SNAPC4: variants seen among roughly 807,000 people sequenced by gnomAD.
SNAPC4 encodes snRNA-activating protein complex subunit 4.
SNAPC4 carries 127 observed loss-of-function variants against 151.3 expected under a neutral mutation model. That is an observed-to-expected ratio of 0.84 (90% CI 0.73 to 0.97). The LOEUF is 0.97. Ranked by LOEUF, SNAPC4 falls within the 50% of genes least tolerant of loss-of-function variation. The probability of loss-of-function intolerance (pLI) is 0.00; values close to 1 mark genes in which losing one functional copy is unlikely to be tolerated. For synonymous variants in SNAPC4, 1,002 were observed against 824.4 expected, an observed-to-expected ratio of 1.22 and a Z score of -3.69; for missense variants, 2,186 against 1,935.0, an observed-to-expected ratio of 1.13 and a Z score of -2.43.
chr9:136,379,836 C>G lies in SNAPC4; in HGVS notation c.2527+1G>C. 5 of 1,613,364 alleles carry G rather than the reference C, an allele frequency of 3.1e-6. No homozygotes were observed. Among genetic ancestry groups the G allele is most frequent in the Non-Finnish European group, 4.2e-6 (5 of 1,179,712 alleles). On this transcript the variant is annotated splice_donor_variant, in intron 21 of 23. Coordinates refer to ENST00000684778, the MANE Select transcript of SNAPC4 (RefSeq NM_003086.4). LOFTEE classifies it high-confidence loss of function. Reference sequence around the variant, plus strand: ...CCACCAGGGCAGAGAAGCAGAGTTACCTGGGGTGCTCTGGGCACTTGAGGA... The same window carrying G: ...CCACCAGGGCAGAGAAGCAGAGTTAGCTGGGGTGCTCTGGGCACTTGAGGA...
intron 10 of SNAPC4, among the ~76,000 whole-genome samples, chr9:136,389,409 G>A (rs1833994826): frequency 6.6e-6 from 1 of 152,140 alleles, no homozygotes; most frequent in South Asian, 2.1e-4. Context: ...GGTGGCAGAG[G>A]GCACGCAGAG....
chr9:136,387,462 T>G, intron 13 of SNAPC4, 23 bp downstream of exon 13: 1 of 1,541,490 alleles, frequency 6.5e-7, no homozygotes, highest in Non-Finnish European at 9.0e-7. Flanking sequence ...GGCCCCTCCC[T>G]CGCTCAGCGC....
chr9:136,381,540 C>G (rs1833692057), intron 18 of SNAPC4, 148 bp from the exon 19 acceptor site: 1 of 748,018 alleles, frequency 1.3e-6, no homozygotes, highest in South Asian at 1.7e-5. Context: ...GAACCAGCAC[C>G]CCACAGCCAC....
Position 136,398,306 on chromosome 9 carries a change from A to C in SNAPC4, c.123T>G (p.Ser41=), listed in dbSNP as rs148367423. 172 of 1,613,226 alleles carry C rather than the reference A, an allele frequency of 1.1e-4. No individual in the cohort carries two copies. Among genetic ancestry groups the C allele is most frequent in the Non-Finnish European group, 1.3e-4 (157 of 1,179,448 alleles). The part of the protein sequence containing the change: ...EISESSLESD[S]EADSLPSEDL... The stretch of plus-strand genomic sequence containing the variant: ...TAGGTACAAGGGGCTTACCTGCTTC[A>C]GAATCTGACTCGAGACTTGATTCTG... The change falls in exon 2 of 24, where the codon TCT becomes TCG. Residue 41 remains serine (S), a synonymous_variant. Coordinates refer to ENST00000684778, the MANE Select transcript of SNAPC4 (RefSeq NM_003086.4).
Position 136,381,921 on chromosome 9 carries a change from C to G in SNAPC4, c.2220G>C (p.Leu740=). The G allele has an allele frequency of 1.2e-6, 2 of 1,612,962 alleles. No homozygotes were observed. The highest frequency in any genetic ancestry group is 1.7e-6 in the Non-Finnish European group (2 of 1,180,006). The change falls in exon 18 of 24, where the codon CTG becomes CTC. Residue 740 remains leucine, a synonymous_variant. Coordinates refer to ENST00000684778, the MANE Select transcript of SNAPC4 (RefSeq NM_003086.4). The part of the protein sequence containing the change: ...RWRHALHRRL[L]NRRLLLAVTP... The stretch of plus-strand genomic sequence containing the variant: ...TCACAGCCAGCAGCAGCCTGCGGTT[C>G]AGGAGCCTCCGGTGCAGAGCGTGTC...
At position 136,377,638 on chromosome 9, in the gene SNAPC4, C is replaced by T; in HGVS notation, c.4189G>A (p.Gly1397Ser). 6.3e-7 allele frequency: 1 copy of T among 1,585,364 alleles called. No individual in the cohort carries two copies. The highest frequency in any genetic ancestry group is 8.6e-7 in the Non-Finnish European group (1 of 1,164,080). ...AGGTCTTCATCCTCACTCTCAGAGC[C>T]CACCCTCGAAGGTACTGAGAGGGTG... ...RTTLSVPSRV[G>S]SESEDEDLLS... is the part of the protein sequence containing the mutation. The change falls in exon 22 of 24, where the codon GGC becomes AGC. Residue 1397 changes from glycine to serine, a missense_variant. Physicochemically the swap from Gly to Ser is moderately conservative, Grantham distance 56 (BLOSUM62 0). Coordinates refer to ENST00000684778, the MANE Select transcript of SNAPC4 (RefSeq NM_003086.4).
rs749447322 is a variant in SNAPC4, at chr9:136,378,718, G to C, written c.3109C>G (p.Leu1037Val). The C allele has an allele frequency of 7.8e-5, 117 of 1,503,642 alleles. No individual in the cohort carries two copies. Among genetic ancestry groups the C allele is most frequent in the Non-Finnish European group, 1.0e-4 (115 of 1,126,332 alleles). The allele number at this position is 1,503,642 out of a possible 1,614,324, so 93.1% of individuals were successfully genotyped here. A position where few individuals can be genotyped will look rare whatever the true frequency, so the allele number is the denominator to read the frequency against. Residue 1037 changes from leucine to valine, a missense_variant, in exon 22 of 24, where the codon CTG (leucine) becomes GTG (valine). Coordinates refer to ENST00000684778, the MANE Select transcript of SNAPC4 (RefSeq NM_003086.4). ...GGGAGAAAGGGTGGCGCCTCAGGCA[G>C]GCCCTGCTTCCGGGATGCAGCGGGG... Reference protein sequence around the residue: ...QAPAASRKQGLPEAPPFLPAA... With the variant: ...QAPAASRKQGVPEAPPFLPAA...
chr9:136,376,308 C>T, intron 23 of SNAPC4, 41 bp downstream of exon 23: 1 of 1,608,060 alleles, frequency 6.2e-7, no homozygotes, highest in Non-Finnish European at 8.5e-7. Context: ...CCACTCTGTC[C>T]CCTGGGTTGT....
rs756725958 is a variant in SNAPC4 at position 136,392,729 on chromosome 9, C to T, written c.681G>A (p.Glu227=). Residue 227 remains glutamate (E), a synonymous_variant, in exon 8 of 24, where the codon GAG becomes GAA. Transcript: ENST00000684778. ...TGCCCTGCTTCTCCAGGGCTTGCCT[C>T]TCCAGCTCACTGGAGACTTTGCTCT... The part of the protein sequence containing the change: ...QKQSKVSSEL[E]RQALEKQGRE... The T allele has an allele frequency of 6.2e-7, 1 of 1,613,664 alleles. No individual in the cohort carries two copies. Among genetic ancestry groups the T allele is most frequent in the Non-Finnish European group, 8.5e-7 (1 of 1,180,048 alleles).
At position 136,392,193 on chromosome 9, in the gene SNAPC4, C is replaced by G. The variant is rs1368741845; in HGVS notation, c.811-87G>C. ...CTCCAGGCTGAGCTGTTGCTCTCCG[C>G]CAGCTGGAGGCTTCCACGGCTGCAA... On this transcript the variant is annotated intron_variant, in intron 9 of 23. Transcript: ENST00000684778. 2.6e-6 allele frequency: 4 copies of G among 1,521,518 alleles called. No homozygotes were observed. In the East Asian group the frequency reaches 9.1e-5, roughly 34 times the overall value. 94.3% of individuals were successfully genotyped at this position (1,521,518 alleles called of 1,614,324 possible). A position where few individuals can be genotyped will look rare whatever the true frequency, so the allele number is the denominator to read the frequency against.
intron 1 of SNAPC4, chr9:136,398,689 G>A (rs1177020137): frequency 7.4e-6 from 3 of 404,800 alleles, no homozygotes; most frequent in African/African-American, 4.0e-5. Context: ...CTGCTCTGAG[G>A]CTGCAACCAG....
Position 136,378,369 on chromosome 9 carries a change from G to C in SNAPC4, c.3458C>G (p.Pro1153Arg), listed in dbSNP as rs1304681771. ...GGAGAGGGCGTGTGTGGGAGGAGCT[G>C]GGGTGTCTGTCCTGCAGGAAGGCTC... ...EPEPSCRTDT[P>R]APPTHALSQS... The change falls in exon 22 of 24, where the codon CCA becomes CGA. Residue 1153 changes from proline to arginine, a missense_variant. By Grantham distance (103) the Pro-to-Arg change is moderately radical. Transcript: ENST00000684778. 3 of 1,611,246 alleles carry C rather than the reference G, an allele frequency of 1.9e-6. No homozygotes were observed. Among genetic ancestry groups the C allele is most frequent in the Non-Finnish European group, 2.5e-6 (3 of 1,179,566 alleles).
In SNAPC4 at chr9:136,394,891, A is replaced by T; in HGVS notation, c.472-13T>A. 1 of 1,612,774 alleles carries T rather than the reference A, an allele frequency of 6.2e-7. No homozygotes were observed. Among genetic ancestry groups the T allele is most frequent in the South Asian group, 1.1e-5 (1 of 91,058 alleles). ...TGGCAGGTGGCCCCTGTCAGGGTGC[A>T]CGGCATCACCACAAGCACAGGCCAC... On this transcript the variant is annotated splice_polypyrimidine_tract_variant and intron_variant, in intron 5 of 23. Transcript: ENST00000684778.
intron 17 of SNAPC4, 49 bp downstream of exon 17, chr9:136,382,204 G>A (rs2131468181): frequency 1.2e-6 from 2 of 1,602,564 alleles, no homozygotes; most frequent in Non-Finnish European, 1.7e-6. Flanking sequence ...ACTCAGACCA[G>A]GGCGGGGCAC....
At chr9:136,382,188 G>A (rs1833721763) in intron 17 of SNAPC4, 65 bp downstream of exon 17, 2 of 1,598,134 alleles carry the variant, frequency 1.3e-6, no homozygotes, top group South Asian at 1.1e-5. Flanking sequence ...GACGGGGAGA[G>A]GAATCACTCA....
Position 136,378,422 on chromosome 9 carries a change from C to A in SNAPC4, c.3405G>T (p.Gln1135His). The A allele has an allele frequency of 6.3e-7, 1 of 1,597,504 alleles. No individual in the cohort carries two copies. The highest frequency in any genetic ancestry group is 8.5e-7 in the Non-Finnish European group (1 of 1,174,962). ...PRAPALSSSW[Q>H]PPANMNREPE... ...GTTCCCTGTTCATATTGGCTGGGGG[C>A]TGCCAAGAGCTGCTCAACGCTGGGG... is the stretch of plus-strand genomic sequence containing the variant. The change falls in exon 22 of 24, where the codon CAG becomes CAT. Residue 1135 changes from glutamine to histidine, a missense_variant. By Grantham distance (24) the Gln-to-His change is conservative (BLOSUM62 0). Transcript: ENST00000684778.
In SNAPC4 at chr9:136,378,219, G is replaced by C. The variant is rs1564376635; in HGVS notation, c.3608C>G (p.Ser1203Cys). ...ACCACCGAAGGCTGGCAGCCTCCCG[G>C]ACCAAGGGGGTTCTGCTTCAGGAGG... ...ADPPEAEPPW[S>C]GRLPAFGGVI... Residue 1203 changes from serine to cysteine, a missense_variant, in exon 22 of 24, where the codon TCC (serine) becomes TGC (cysteine). Transcript: ENST00000684778. The C allele has an allele frequency of 6.2e-7, 1 of 1,611,748 alleles. No homozygotes were observed. Among genetic ancestry groups the C allele is most frequent in the Non-Finnish European group, 8.5e-7 (1 of 1,179,570 alleles).
chr9:136,384,505 CG>C (rs1833822368), intron 14 of SNAPC4, among the ~76,000 whole-genome samples: 1 of 152,100 alleles, frequency 6.6e-6, no homozygotes, highest in South Asian at 2.1e-4. Context: ...CTCAGCTCGT[CG>C]GGTGTGGTGG....
In SNAPC4 at chr9:136,379,163, G is replaced by A. The variant is rs1833595248; in HGVS notation, c.2664C>T (p.Pro888=). The part of the protein sequence containing the change: ...ASLLASTGPR[P]KPKTVSELLQ... ...GCAGCTCCGACACAGTCTTGGGCTT[G>A]GGCCGGGGGCCGGTTGAAGCCAGCA... Residue 888 remains proline, a synonymous_variant, in exon 22 of 24, where the codon CCC becomes CCT. Coordinates refer to ENST00000684778, the MANE Select transcript of SNAPC4 (RefSeq NM_003086.4). The A allele has an allele frequency of 6.3e-7, 1 of 1,588,518 alleles. No individual in the cohort carries two copies. The highest frequency in any genetic ancestry group is 1.3e-5 in the African/African-American group (1 of 74,706).
Sources: gnomAD v4.1 joint callset for allele counts (sites outside exome capture counted in the v4.1 genomes callset) on GRCh38, gnomAD v4.1.1 for gene constraint, MANE v1.5 for transcripts, NCBI Gene and HGNC (gene_info 2026-07-23, HGNC 2026-07-21) for gene names.